RARB: variants seen among roughly 807,000 people sequenced by gnomAD.
RARB encodes HBV-activated protein.
A neutral mutation model predicts 51.9 loss-of-function variants in RARB; 17 were observed. The observed-to-expected ratio is 0.33, with a 90% confidence interval of 0.22 to 0.49. RARB has a LOEUF of 0.49. RARB is among the 20% of genes least tolerant of loss of function. The pLI, the probability that RARB is intolerant of heterozygous loss-of-function variation, is 0.99. For missense variants in RARB, 369 were observed against 550.8 expected (o/e 0.67, Z 3.30); for synonymous variants, 215 against 195.4 (o/e 1.10, Z -0.84).
intron 5 of RARB, among the ~76,000 whole-genome samples, chr3:25,262,533 C>A (rs887790693): frequency 1.3e-5 from 2 of 152,180 alleles, no homozygotes; most frequent in African/African-American, 2.4e-5. Context: ...TGTCCTTAAC[C>A]TTTTCCAGGC....
At chr3:25,475,410 G>C (rs1030800264) in intron 2 of RARB, among the ~76,000 whole-genome samples, 1 of 151,788 alleles carries the variant, frequency 6.6e-6, no homozygotes, top group Non-Finnish European at 1.5e-5. Flanking sequence ...AAGGGGGGGG[G>C]ATCCCCTGCA....
chr3:24,919,787 CTCA>C (rs1168215836), intron 2 of RARB, among the ~76,000 whole-genome samples: 1 of 152,184 alleles, frequency 6.6e-6, no homozygotes, highest in Non-Finnish European at 1.5e-5. Context: ...TTAATTTCTT[CTCA>C]TCAGACTTTT....
chr3:25,122,548 C>T (rs552808549), intron 3 of RARB, among the ~76,000 whole-genome samples: 6 of 152,178 alleles, frequency 3.9e-5, no homozygotes, highest in Non-Finnish European at 7.4e-5. Context: ...TGTGTCCATG[C>T]TCAGACTTAC....
At chr3:25,526,332 T>C (rs867357328) in intron 3 of RARB, among the ~76,000 whole-genome samples, 4 of 152,214 alleles carry the variant, frequency 2.6e-5, no homozygotes, top group Non-Finnish European at 5.9e-5. Flanking sequence ...TGAAGGAGTT[T>C]GATTTTTATT....
intron 2 of RARB, among the ~76,000 whole-genome samples, chr3:25,005,766 G>T (rs1697258074): frequency 6.6e-6 from 1 of 152,096 alleles, no homozygotes; most frequent in Admixed American, 6.5e-5. Context: ...GCTCCTCCTG[G>T]TCTTGTCCCC....
intron 5 of RARB, among the ~76,000 whole-genome samples, chr3:25,388,240 C>G (rs1209784385): frequency 6.6e-6 from 1 of 152,032 alleles, no homozygotes; most frequent in Non-Finnish European, 1.5e-5. Flanking sequence ...AATTAAAAAG[C>G]CTCTAAATTC....
chr3:24,955,849 C>A (rs1245583434), intron 2 of RARB, among the ~76,000 whole-genome samples: 1 of 151,974 alleles, frequency 6.6e-6, no homozygotes, highest in Non-Finnish European at 1.5e-5. Context: ...GTAGATCAAG[C>A]CCCCTGGCCG....
At chr3:25,166,470 A>G (rs1485656721) in intron 4 of RARB, among the ~76,000 whole-genome samples, 12 of 152,056 alleles carry the variant, frequency 7.9e-5, no homozygotes, top group Admixed American at 5.2e-4. Context: ...ATACATTGGG[A>G]AAAAAATGGC....
chr3:25,436,837 C>T (rs1446282826), intron 1 of RARB, among the ~76,000 whole-genome samples: 2 of 152,146 alleles, frequency 1.3e-5, no homozygotes, highest in Admixed American at 6.5e-5. Context: ...TCTCCCTGGT[C>T]CTCTCAGAAT....
chr3:25,375,052 A>T (rs1706418296), intron 5 of RARB, among the ~76,000 whole-genome samples: 1 of 152,222 alleles, frequency 6.6e-6, no homozygotes, highest in Admixed American at 6.5e-5. Flanking sequence ...AAGCGAGAGA[A>T]ATAAACACAG....
chr3:25,333,188 T>C (rs1368546320), intron 5 of RARB, among the ~76,000 whole-genome samples: 2 of 152,046 alleles, frequency 1.3e-5, no homozygotes, highest in Admixed American at 6.5e-5. Flanking sequence ...TTAAAGTTCA[T>C]ATGGAACCAA....
chr3:25,286,024 C>A (rs1055475590), intron 5 of RARB, among the ~76,000 whole-genome samples: 1 of 150,882 alleles, frequency 6.6e-6, no homozygotes, highest in Non-Finnish European at 1.5e-5. Context: ...TTGTGTCAGT[C>A]GGAGGCTGTT....
chr3:25,493,215 C>T (rs1696834104), intron 2 of RARB, among the ~76,000 whole-genome samples: 2 of 152,082 alleles, frequency 1.3e-5, no homozygotes, highest in Admixed American at 1.3e-4. Flanking sequence ...CTACTTTCTC[C>T]CTCCCTCTCA....
In RARB at chr3:24,944,231, T is replaced by A. The variant is rs527582340; in HGVS notation, c.-380+85479T>A. Among the ~76,000 whole-genome samples the A allele has an allele frequency of 1.6e-4, 24 of 152,340 alleles. No individual in the cohort carries two copies. In the South Asian group the frequency reaches 4.8e-3, roughly 30 times the overall value. On this transcript the variant is annotated intron_variant, in intron 2 of 11. Coordinates refer to the RARB transcript ENST00000383772. The stretch of plus-strand genomic sequence containing the variant: ...ACGGGCTTCTTGAGGTTTATCTGTC[T>A]GGCCTTCTCATTTGTTCTCCATAGA...
chr3:25,267,389 G>T (rs56116603), intron 5 of RARB, among the ~76,000 whole-genome samples: 26,550 of 152,136 alleles, frequency 0.17, 2,388 homozygotes, highest in Non-Finnish European at 0.2. Flanking sequence ...CTCCACTCTG[G>T]CCTTCCGCAA....
chr3:25,094,707 AC>A (rs1446528972), intron 3 of RARB, among the ~76,000 whole-genome samples: 1 of 81,670 alleles, frequency 1.2e-5, no homozygotes, highest in Non-Finnish European at 2.2e-5. Flanking sequence ...ACAGAGTGAG[AC>A]CCCATCTCAA....
chr3:24,879,655 C>CT (rs1703118346), intron 2 of RARB, among the ~76,000 whole-genome samples: 1 of 151,828 alleles, frequency 6.6e-6, no homozygotes, highest in Admixed American at 6.6e-5. Context: ...AGAACCTGAT[C>CT]TTTTAAACAA....
At chr3:24,839,779 C>T (rs528479734) in intron 1 of RARB, among the ~76,000 whole-genome samples, 5 of 149,170 alleles carry the variant, frequency 3.4e-5, no homozygotes, top group African/African-American at 9.9e-5. Flanking sequence ...CAGATTGTCA[C>T]AAAATTATAC....
intron 5 of RARB, among the ~76,000 whole-genome samples, chr3:25,394,208 G>T (rs959053995): frequency 2.0e-5 from 3 of 152,052 alleles, no homozygotes; most frequent in African/African-American, 7.2e-5. Flanking sequence ...GCATGGTTTT[G>T]AGGGTTCCTT....
Sources: gnomAD v4.1 joint callset for allele counts (sites outside exome capture counted in the v4.1 genomes callset) on GRCh38, gnomAD v4.1.1 for gene constraint, MANE v1.5 for transcripts, NCBI Gene and HGNC (gene_info 2026-07-23, HGNC 2026-07-21) for gene names.